TBC1D1: variants seen among roughly 807,000 people sequenced by gnomAD.
TBC1D1 encodes TBC1 domain family member 1.
Under a neutral mutation model 125.6 loss-of-function variants are expected in TBC1D1, and 89 were observed. That is an observed-to-expected ratio of 0.71 (90% confidence interval 0.60 to 0.85). The LOEUF is 0.85. Among genes scored for constraint, TBC1D1 ranks in the 40% least tolerant of loss-of-function variants. The pLI, the probability that TBC1D1 is intolerant of heterozygous loss-of-function variation, is 0.00. For missense variants in TBC1D1, 1,377 were observed against 1,469.2 expected, an observed-to-expected ratio of 0.94 and a Z score of 1.03; for synonymous variants, 565 against 564.1, an observed-to-expected ratio of 1.00 and a Z score of -0.02.
At chr4:37,922,181 G>T (rs1013699222) in intron 2 of TBC1D1, among the ~76,000 whole-genome samples, 2 of 151,946 alleles carry the variant, frequency 1.3e-5, no homozygotes, top group Admixed American at 1.3e-4. Flanking sequence ...ATACTTTCAC[G>T]TATCACTTTA....
chr4:38,095,907 G>A (rs773448731), intron 13 of TBC1D1, 22 bp from the exon 16 acceptor site: 89 of 1,600,068 alleles, frequency 5.6e-5, no homozygotes, highest in South Asian at 7.8e-5. Flanking sequence ...TTACTAATGC[G>A]CTCTGGAATG....
At chr4:38,070,629 G>A (rs1462807726) in intron 12 of TBC1D1, among the ~76,000 whole-genome samples, 1 of 152,134 alleles carries the variant, frequency 6.6e-6, no homozygotes, top group Non-Finnish European at 1.5e-5. Flanking sequence ...CCAAATGTGG[G>A]CATTTTTTCT....
intron 2 of TBC1D1, among the ~76,000 whole-genome samples, chr4:37,920,648 C>T (rs928972576): frequency 6.6e-6 from 1 of 152,126 alleles, no homozygotes; most frequent in Non-Finnish European, 1.5e-5. Flanking sequence ...GTGGAGCATA[C>T]ACATGGGAGT....
At chr4:38,019,478 T>C (rs1185854146) in intron 4 of TBC1D1, among the ~76,000 whole-genome samples, 1 of 152,174 alleles carries the variant, frequency 6.6e-6, no homozygotes, top group African/African-American at 2.4e-5. Flanking sequence ...AGATTACCCA[T>C]AGAGTTTTTA....
At chr4:38,118,305 A>T in intron 17 of TBC1D1, 113 bp downstream of exon 19, 2 of 1,298,590 alleles carry the variant, frequency 1.5e-6, no homozygotes, top group Non-Finnish European at 2.1e-6. Flanking sequence ...TTACCAGAAC[A>T]GGGTATTGTT....
chr4:38,060,757 C>G, intron 12 of TBC1D1: 1 of 758,870 alleles, frequency 1.3e-6, no homozygotes, highest in Non-Finnish European at 1.9e-6. Context: ...CGGTGTTTTA[C>G]AAACTTGATG....
At chr4:37,974,524 C>T (rs1383315000) in intron 2 of TBC1D1, among the ~76,000 whole-genome samples, 1 of 151,956 alleles carries the variant, frequency 6.6e-6, no homozygotes, top group Non-Finnish European at 1.5e-5. Flanking sequence ...CAGGCATGAG[C>T]CACCATGCAT....
At chr4:38,001,864 C>G (rs1739158169) in intron 2 of TBC1D1, among the ~76,000 whole-genome samples, 1 of 152,178 alleles carries the variant, frequency 6.6e-6, no homozygotes, top group African/African-American at 2.4e-5. Flanking sequence ...GCTGCTTGAT[C>G]TTGTTAAATA....
chr4:38,079,957 T>A (rs1421738570), intron 12 of TBC1D1, among the ~76,000 whole-genome samples: 3 of 152,260 alleles, frequency 2.0e-5, no homozygotes, highest in Admixed American at 2.0e-4. Context: ...ACCTTTTGTG[T>A]GCATTAGAAT....
intron 2 of TBC1D1, among the ~76,000 whole-genome samples, chr4:37,985,415 A>G (rs1735247078): frequency 6.6e-6 from 1 of 152,170 alleles, no homozygotes. Flanking sequence ...CTTAATTTTC[A>G]TGCACTTTGG....
chr4:38,098,737 C>T (rs940653820), intron 14 of TBC1D1, among the ~76,000 whole-genome samples: 13 of 152,090 alleles, frequency 8.5e-5, no homozygotes, highest in Admixed American at 2.0e-4. Context: ...AAATTTGAGC[C>T]TAAATTTGAA....
At chr4:38,095,369 GT>G (rs1759149472) in intron 13 of TBC1D1, among the ~76,000 whole-genome samples, 1 of 152,208 alleles carries the variant, frequency 6.6e-6, no homozygotes, top group African/African-American at 2.4e-5. Context: ...TTTAGGTTGA[GT>G]AAGTTTGGTG....
intron 9 of TBC1D1, among the ~76,000 whole-genome samples, chr4:38,044,746 T>G (rs1749075308): frequency 1.3e-5 from 2 of 152,240 alleles, no homozygotes; most frequent in South Asian, 2.1e-4. Flanking sequence ...AGAATATTTG[T>G]TAGCCAGTCC....
At position 37,977,477 on chromosome 4, in the gene TBC1D1, G is replaced by A. The variant is rs1192980359; in HGVS notation, c.418-37032G>A. The stretch of plus-strand genomic sequence containing the variant: ...CGGGAGTGAGCGGGAGCCGGCGGGC[G>A]AAGAGCCGCCGCCCGGCCCGCGATG... On this transcript the variant is annotated intron_variant, in intron 2 of 19. Transcript: ENST00000261439. The surrounding 1 kb of genome is among the most constrained non-coding windows in gnomAD (Gnocchi z 4.3). 2.0e-6 allele frequency: 2 copies of A among 988,222 alleles called. No homozygotes were observed. The highest frequency in any genetic ancestry group is 1.2e-4 in the East Asian group (1 of 8,636). The allele number at this position is 988,222 out of a possible 1,614,324, so 61.2% of individuals were successfully genotyped here.
chr4:37,995,971 C>T lies in TBC1D1; in HGVS notation c.418-18538C>T. 1 of 550,310 alleles carries T rather than the reference C, an allele frequency of 1.8e-6. No individual in the cohort carries two copies. The highest frequency in any genetic ancestry group is 1.9e-5 in the Admixed American group (1 of 52,144). 34.1% of individuals were successfully genotyped at this position (550,310 alleles called of 1,614,324 possible). On this transcript the variant is annotated intron_variant, in intron 2 of 19. Coordinates refer to ENST00000261439, the MANE Select transcript of TBC1D1 (RefSeq NM_015173.4). The surrounding 1 kb of genome is among the most constrained non-coding windows in gnomAD (Gnocchi z 4.3). ...AGGACTTCTTTCTTCTCTTGCCTCT[C>T]TGTTTCTACCTCATCCTTGGGTGGG...
intron 2 of TBC1D1, among the ~76,000 whole-genome samples, chr4:37,994,265 T>C (rs1461762054): frequency 6.6e-6 from 1 of 152,220 alleles, no homozygotes; most frequent in Non-Finnish European, 1.5e-5. Context: ...TATAATATAT[T>C]CAAAGTGGAA....
intron 2 of TBC1D1, among the ~76,000 whole-genome samples, chr4:37,926,144 C>T (rs1375476563): frequency 6.6e-6 from 1 of 152,232 alleles, no homozygotes; most frequent in Non-Finnish European, 1.5e-5. Context: ...AAAGCTACCA[C>T]ATGGAGAAAG....
chr4:38,001,492 T>C (rs1248636710), intron 2 of TBC1D1, among the ~76,000 whole-genome samples: 2 of 152,342 alleles, frequency 1.3e-5, no homozygotes, highest in South Asian at 2.1e-4. Flanking sequence ...CCAGGAGATA[T>C]AGGTTGGGGA....
chr4:38,097,488 C>T lies in TBC1D1; in HGVS notation c.2398+1398C>T, dbSNP rs376055451. Among the ~76,000 whole-genome samples, 342 of 152,182 alleles carry T rather than the reference C, an allele frequency of 2.2e-3. 1 individual carries two copies. The highest frequency in any genetic ancestry group is 7.8e-3 in the African/African-American group (323 of 41,524). Reference sequence around the variant, plus strand: ...CTGAGTAGCTGGGACTACAGGTGCCCGCCACCATGCCCGGGTAAATTTTTT... The same window carrying T: ...CTGAGTAGCTGGGACTACAGGTGCCTGCCACCATGCCCGGGTAAATTTTTT... On this transcript the variant is annotated intron_variant, in intron 14 of 19. Transcript: ENST00000261439.
Sources: gnomAD v4.1 joint callset for allele counts (sites outside exome capture counted in the v4.1 genomes callset) on GRCh38, gnomAD v4.1.1 for gene constraint, Gnocchi (gnomAD v3.1) non-coding constraint, MANE v1.5 for transcripts, NCBI Gene and HGNC (gene_info 2026-07-23, HGNC 2026-07-21) for gene names.